ZNF609: variants seen among roughly 807,000 people sequenced by gnomAD.
ZNF609 encodes zinc finger protein 609.
A neutral mutation model predicts 109.5 loss-of-function variants in ZNF609; 11 were observed. The observed-to-expected ratio is 0.10, with a 90% CI of 0.06 to 0.17. ZNF609 has a LOEUF of 0.17. ZNF609 is among the 10% of genes least tolerant of loss of function. The pLI is 1.00. For synonymous variants in ZNF609, 646 were observed against 662.0 expected (o/e 0.98, Z 0.37); for missense variants, 1,559 against 1,772.4 (o/e 0.88, Z 2.16).
intron 2 of ZNF609, among the ~76,000 whole-genome samples, chr15:64,588,211 G>A (rs1322343447): frequency 1.3e-5 from 2 of 149,024 alleles, no homozygotes; most frequent in Non-Finnish European, 3.0e-5. Flanking sequence ...GGCGGATCAC[G>A]AGGTCAGAAG....
chr15:64,603,878 A>T (rs1258018745), intron 2 of ZNF609, among the ~76,000 whole-genome samples: 3 of 151,730 alleles, frequency 2.0e-5, no homozygotes, highest in Non-Finnish European at 4.4e-5. Flanking sequence ...GGGCACCTGT[A>T]ATCCCAGCTA....
In ZNF609 at chr15:64,530,463, C is replaced by T. The variant is rs369099546; in HGVS notation, c.747+30297C>T. Among the ~76,000 whole-genome samples, 6 of 152,146 alleles carry T rather than the reference C, an allele frequency of 3.9e-5. No individual in the cohort carries two copies. In the East Asian group the frequency reaches 5.8e-4, roughly 15 times the overall value. On this transcript the variant is annotated intron_variant, in intron 2 of 9. Coordinates refer to ENST00000326648, the MANE Select transcript of ZNF609 (RefSeq NM_015042.2). ...TACAAAGGTTATAATTATACTATCA[C>T]GGCTACAATATATTGAACATACATT...
chr15:64,585,244 G>A (rs1895177024), intron 2 of ZNF609, among the ~76,000 whole-genome samples: 1 of 152,060 alleles, frequency 6.6e-6, no homozygotes, highest in Non-Finnish European at 1.5e-5. Context: ...AGAATCACTT[G>A]AACCTGAGAG....
intron 2 of ZNF609, among the ~76,000 whole-genome samples, chr15:64,549,635 G>A (rs72742910): frequency 0.048 from 7,334 of 152,200 alleles, 237 homozygotes; most frequent in South Asian, 0.086. Context: ...TCAAAGCCAG[G>A]TAATCTGGCT....
intron 2 of ZNF609, among the ~76,000 whole-genome samples, chr15:64,541,284 G>A (rs1369032770): frequency 6.7e-6 from 1 of 150,370 alleles, no homozygotes; most frequent in Non-Finnish European, 1.5e-5. Context: ...AACATTGGCC[G>A]GGCGTGGTGT....
At chr15:64,645,882 A>G (rs1468363462) in intron 3 of ZNF609, among the ~76,000 whole-genome samples, 2 of 152,208 alleles carry the variant, frequency 1.3e-5, no homozygotes, top group African/African-American at 4.8e-5. Context: ...TGGAAAATAA[A>G]AAGTGTTCAA....
chr15:64,616,254 A>G (rs1940103926), intron 2 of ZNF609, among the ~76,000 whole-genome samples: 1 of 152,120 alleles, frequency 6.6e-6, no homozygotes, highest in African/African-American at 2.4e-5. Context: ...TTGGCCTCCC[A>G]GAGTGCTGGG....
intron 2 of ZNF609, among the ~76,000 whole-genome samples, chr15:64,615,341 C>G (rs373867343): frequency 6.6e-6 from 1 of 151,570 alleles, no homozygotes; most frequent in Non-Finnish European, 1.5e-5. Flanking sequence ...CAAGATCTCT[C>G]TATGTTGCCC....
At chr15:64,631,325 C>T (rs1896072381) in intron 3 of ZNF609, 2 of 699,648 alleles carry the variant, frequency 2.9e-6, no homozygotes, top group African/African-American at 3.5e-5. Context: ...TGAATACACA[C>T]ATTAATTCTC....
At chr15:64,534,243 T>C (rs1211804487) in intron 2 of ZNF609, among the ~76,000 whole-genome samples, 1 of 152,022 alleles carries the variant, frequency 6.6e-6, no homozygotes, top group East Asian at 1.9e-4. Flanking sequence ...ACTCCCGACC[T>C]CAGGTGATCC....
intron 2 of ZNF609, among the ~76,000 whole-genome samples, chr15:64,612,897 C>T (rs1366091875): frequency 6.6e-6 from 1 of 151,970 alleles, no homozygotes; most frequent in Non-Finnish European, 1.5e-5. Context: ...CGTCTGTAAT[C>T]CCAGCTACCC....
intron 3 of ZNF609, chr15:64,653,108 A>T (rs1461555867): frequency 1.3e-5 from 2 of 152,374 alleles, no homozygotes; most frequent in Middle Eastern, 3.4e-3. Flanking sequence ...CTGGCTCCAG[A>T]TGCCTGATAT....
At chr15:64,583,731 G>GT (rs1398715532) in intron 2 of ZNF609, among the ~76,000 whole-genome samples, 1 of 152,164 alleles carries the variant, frequency 6.6e-6, no homozygotes, top group Non-Finnish European at 1.5e-5. Context: ...TGCTAGAATC[G>GT]TGAATGTAGG....
At chr15:64,529,472 G>A (rs961493488) in intron 2 of ZNF609, 8 of 1,036,510 alleles carry the variant, frequency 7.7e-6, no homozygotes, top group Admixed American at 5.1e-5. Context: ...TTGATGACAA[G>A]CGTCCCGTTC....
chr15:64,592,645 G>A (rs1389109633), intron 2 of ZNF609, among the ~76,000 whole-genome samples: 3 of 151,906 alleles, frequency 2.0e-5, no homozygotes, highest in Admixed American at 2.0e-4. Context: ...CAGGCATGGT[G>A]GTTCACGAGG....
chr15:64,513,434 G>A (rs1893761939), intron 2 of ZNF609, among the ~76,000 whole-genome samples: 1 of 152,196 alleles, frequency 6.6e-6, no homozygotes, highest in South Asian at 2.1e-4. Context: ...ATTTCAGAAG[G>A]AGACTGAGAA....
intron 2 of ZNF609, among the ~76,000 whole-genome samples, chr15:64,595,608 A>C (rs927188544): frequency 2.6e-4 from 39 of 152,210 alleles, no homozygotes; most frequent in African/African-American, 8.7e-4. Context: ...TAGCTGAACA[A>C]GCCCTAATAC....
rs1215784646 is a variant in ZNF609 at position 64,645,056 on chromosome 15, TCTTCCTTC to T, written c.973+22020_973+22027del. 7.5e-4 allele frequency among the ~76,000 whole-genome samples: 106 copies of T among 141,914 alleles called. 4 individuals are homozygous for T. The highest frequency in any genetic ancestry group is 2.0e-3 in the African/African-American group (72 of 36,036). 93.1% of individuals were successfully genotyped at this position (141,914 alleles called of 152,430 possible). A position where few individuals can be genotyped will look rare whatever the true frequency, so the allele number is the denominator to read the frequency against. Reference sequence around the variant, plus strand: ...TTCTTCCTTCCTTTCTTTCTTCCTTTCTTCCTTCCTTCCTTCCTTCCTTTCTTTCCCTC... The same window carrying T: ...TTCTTCCTTCCTTTCTTTCTTCCTTTCTTCCTTCCTTCCTTTCTTTCCCTC... On this transcript the variant is annotated intron_variant, in intron 3 of 9. Coordinates refer to ENST00000326648, the MANE Select transcript of ZNF609 (RefSeq NM_015042.2).
At chr15:64,527,973 C>A (rs148869679) in intron 2 of ZNF609, among the ~76,000 whole-genome samples, 1 of 152,268 alleles carries the variant, frequency 6.6e-6, no homozygotes, top group African/African-American at 2.4e-5. Flanking sequence ...ACAGCATATT[C>A]TTGTTAGCCA....
Sources: allele counts gnomAD v4.1 joint callset (sites outside exome capture counted in the v4.1 genomes callset), GRCh38; gene constraint gnomAD v4.1.1; transcripts MANE v1.5; gene names NCBI Gene and HGNC (gene_info 2026-07-23, HGNC 2026-07-21).